The following LOC128462377 variants were observed in gnomAD, a reference collection of about 807,000 sequenced individuals.
chr16:89,377,456 G>A, the LOC128462377 span, among the ~76,000 whole-genome samples: 1 of 151,754 alleles, frequency 6.6e-6, no homozygotes, highest in Non-Finnish European at 1.5e-5. Flanking sequence ...ATCATGAAGA[G>A]ACTGCGGACA....
chr16:89,342,707 G>A, the LOC128462377 span, among the ~76,000 whole-genome samples: 2 of 152,170 alleles, frequency 1.3e-5, no homozygotes, highest in Non-Finnish European at 2.9e-5. Flanking sequence ...CTATTTATGG[G>A]CCCTACAGAA....
chr16:89,414,358 C>G, the LOC128462377 span, among the ~76,000 whole-genome samples: 1 of 152,106 alleles, frequency 6.6e-6, no homozygotes, highest in Admixed American at 6.5e-5. Context: ...TTGCAAGGGT[C>G]AGCAGTCCGC....
At chr16:89,332,506 C>T in the LOC128462377 span, among the ~76,000 whole-genome samples, 11 of 152,238 alleles carry the variant, frequency 7.2e-5, no homozygotes, top group Non-Finnish European at 1.6e-4. Flanking sequence ...TGCAAGAAAA[C>T]AGCCTCGTCT....
chr16:89,343,044 C>T, the LOC128462377 span, among the ~76,000 whole-genome samples: 1 of 152,060 alleles, frequency 6.6e-6, no homozygotes, highest in East Asian at 1.9e-4. Flanking sequence ...ATTTGAGACG[C>T]AGTCTTGCTG....
At chr16:89,320,496 C>A in the LOC128462377 span, 1 of 152,260 alleles carries the variant, frequency 6.6e-6, no homozygotes, top group Non-Finnish European at 1.5e-5. Flanking sequence ...AACGCAGAGC[C>A]GAGGGGCCGG....
At chr16:89,349,190 G>A in the LOC128462377 span, among the ~76,000 whole-genome samples, 1 of 130,610 alleles carries the variant, frequency 7.7e-6, no homozygotes, top group Admixed American at 8.6e-5. Flanking sequence ...TCAAGACAGT[G>A]TGGTGTTAGC....
At chr16:89,383,981 A>G in the LOC128462377 span, among the ~76,000 whole-genome samples, 5 of 152,248 alleles carry the variant, frequency 3.3e-5, no homozygotes, top group African/African-American at 4.8e-5. Flanking sequence ...TGAAACTGGG[A>G]GGCTGAGGCA....
At chr16:89,333,864 T>A in the LOC128462377 span, among the ~76,000 whole-genome samples, 1 of 152,206 alleles carries the variant, frequency 6.6e-6, no homozygotes, top group East Asian at 1.9e-4. Flanking sequence ...TATTATTCTG[T>A]GAGTATGTTC....
At chr16:89,356,751 A>G in the LOC128462377 span, among the ~76,000 whole-genome samples, 1 of 146,920 alleles carries the variant, frequency 6.8e-6, no homozygotes, top group Non-Finnish European at 1.5e-5. Flanking sequence ...ACTGCACTCT[A>G]GCCTGGGCGA....
chr16:89,376,460 C>T, the LOC128462377 span, among the ~76,000 whole-genome samples: 6 of 152,086 alleles, frequency 3.9e-5, no homozygotes, highest in Non-Finnish European at 8.8e-5. Flanking sequence ...TTTTTTGAGT[C>T]AGACTCTTGT....
chr16:89,352,338 A>C, the LOC128462377 span, among the ~76,000 whole-genome samples: 1 of 151,736 alleles, frequency 6.6e-6, no homozygotes, highest in Non-Finnish European at 1.5e-5. Context: ...GCAAGTCAAG[A>C]AGCCAGGGGT....
the LOC128462377 span, among the ~76,000 whole-genome samples, chr16:89,382,556 A>T: frequency 6.6e-6 from 1 of 151,822 alleles, no homozygotes; most frequent in Non-Finnish European, 1.5e-5. Context: ...CGAACTCCTG[A>T]CCTCAAGTGA....
chr16:89,343,120 C>G, the LOC128462377 span, among the ~76,000 whole-genome samples: 2 of 152,130 alleles, frequency 1.3e-5, no homozygotes, highest in African/African-American at 2.4e-5. Flanking sequence ...TCCCGAGTAG[C>G]TGGGATTACA....
chr16:89,328,532 A>G, the LOC128462377 span, among the ~76,000 whole-genome samples: 1 of 151,834 alleles, frequency 6.6e-6, no homozygotes, highest in Non-Finnish European at 1.5e-5. Flanking sequence ...GGATACACCC[A>G]AGCGTATGGG....
the LOC128462377 span, among the ~76,000 whole-genome samples, chr16:89,358,406 C>T: frequency 3.9e-5 from 6 of 152,204 alleles, no homozygotes; most frequent in Non-Finnish European, 7.3e-5. Context: ...CAAAGAGCCA[C>T]GTGGATAACT....
the LOC128462377 span, among the ~76,000 whole-genome samples, chr16:89,318,353 G>A: frequency 6.6e-6 from 1 of 152,196 alleles, no homozygotes; most frequent in Non-Finnish European, 1.5e-5. Context: ...CACACCCAAA[G>A]CCACTGTCCC....
At chr16:89,382,756 A>C in the LOC128462377 span, among the ~76,000 whole-genome samples, 2 of 152,244 alleles carry the variant, frequency 1.3e-5, no homozygotes, top group African/African-American at 4.8e-5. Context: ...CTGAGATTAT[A>C]GGTGTGAGTC....
chr16:89,389,750 G>C, the LOC128462377 span, among the ~76,000 whole-genome samples: 2 of 150,046 alleles, frequency 1.3e-5, no homozygotes, highest in African/African-American at 4.9e-5. Flanking sequence ...CGAGTGTGGC[G>C]GGGAGCACCG....
At chr16:89,410,511 G>A in the LOC128462377 span, among the ~76,000 whole-genome samples, 1,004 of 152,218 alleles carry the variant, frequency 6.6e-3, 17 homozygotes, top group African/African-American at 0.023. Flanking sequence ...GCAGAGCCAC[G>A]GAAGGGAAAC....
Sources: gnomAD v4.1 joint callset for allele counts (sites outside exome capture counted in the v4.1 genomes callset) on GRCh38, gnomAD v4.1.1 for gene constraint, MANE v1.5 for transcripts.